MAF: variants seen among roughly 807,000 people sequenced by gnomAD.
MAF encodes MAF bZIP transcription factor.
Under a neutral mutation model 22.0 loss-of-function variants are expected in MAF, and 10 were observed. The ratio of observed to expected loss-of-function variants is 0.45; its 90% CI spans 0.28 to 0.77. The LOEUF (loss-of-function observed/expected upper bound fraction) is 0.77. Ranked by LOEUF, MAF falls within the 30% of genes least tolerant of loss-of-function variation. The probability of loss-of-function intolerance (pLI) is 0.12; values close to 1 mark genes in which losing one functional copy is unlikely to be tolerated. For missense variants in MAF, 544 were observed against 548.4 expected, an observed-to-expected ratio of 0.99 and a Z score of 0.08; for synonymous variants, 337 against 255.8, an observed-to-expected ratio of 1.32 and a Z score of -3.03.
chr16:79,366,102 T>C, the MAF span, among the ~76,000 whole-genome samples: 1 of 152,232 alleles, frequency 6.6e-6, no homozygotes, highest in Admixed American at 6.5e-5. Flanking sequence ...CTAATATTTG[T>C]TTTTCTGTTG....
chr16:79,304,147 C>T, the MAF span, among the ~76,000 whole-genome samples: 1 of 152,142 alleles, frequency 6.6e-6, no homozygotes, highest in Non-Finnish European at 1.5e-5. Flanking sequence ...CTGTGTTTAC[C>T]TGACAATGTG....
chr16:79,501,823 T>C, the MAF span, among the ~76,000 whole-genome samples: 2 of 152,224 alleles, frequency 1.3e-5, no homozygotes, highest in African/African-American at 4.8e-5. Flanking sequence ...ACTTCCATTA[T>C]ATTTGATACG....
chr16:79,475,542 G>C, the MAF span, among the ~76,000 whole-genome samples: 1 of 152,038 alleles, frequency 6.6e-6, no homozygotes, highest in South Asian at 2.1e-4. Context: ...CTATCCATCT[G>C]TCTGTCTGTC....
At chr16:79,540,630 G>C in the MAF span, among the ~76,000 whole-genome samples, 340 of 152,340 alleles carry the variant, frequency 2.2e-3, 1 homozygote, top group African/African-American at 7.6e-3. Context: ...ACTTTGCTGG[G>C]TGTCTGCTTC....
chr16:79,306,100 G>T, the MAF span, among the ~76,000 whole-genome samples: 193 of 152,274 alleles, frequency 1.3e-3, no homozygotes, highest in Non-Finnish European at 1.6e-3. Context: ...AAAAGGTAAC[G>T]TTGGCCTTTT....
At chr16:79,213,792 A>AAAGAT in the MAF span, among the ~76,000 whole-genome samples, 1 of 151,736 alleles carries the variant, frequency 6.6e-6, no homozygotes, top group African/African-American at 2.4e-5. Flanking sequence ...AGCAATGCAA[A>AAAGAT]AGATAGTAAA....
chr16:79,344,083 C>G, the MAF span, among the ~76,000 whole-genome samples: 1 of 152,326 alleles, frequency 6.6e-6, no homozygotes, highest in East Asian at 1.9e-4. Context: ...CTTCCAAGAG[C>G]TGATCCAAGG....
chr16:79,326,388 C>A, the MAF span, among the ~76,000 whole-genome samples: 1 of 152,142 alleles, frequency 6.6e-6, no homozygotes, highest in Admixed American at 6.5e-5. Flanking sequence ...GGTTCTACCC[C>A]CATTTAAACT....
chr16:79,569,056 C>A, the MAF span, among the ~76,000 whole-genome samples: 1 of 152,204 alleles, frequency 6.6e-6, no homozygotes, highest in Non-Finnish European at 1.5e-5. Flanking sequence ...TAAGTCCCTG[C>A]AGGATCTCAT....
the MAF span, among the ~76,000 whole-genome samples, chr16:79,274,539 C>T: frequency 6.6e-6 from 1 of 152,126 alleles, no homozygotes; most frequent in Admixed American, 6.5e-5. Flanking sequence ...CCTCAGTCCA[C>T]CTCTAAGTAC....
the MAF span, among the ~76,000 whole-genome samples, chr16:79,401,864 T>C: frequency 6.6e-6 from 1 of 152,132 alleles, no homozygotes; most frequent in African/African-American, 2.4e-5. Flanking sequence ...CTAGGGTCAT[T>C]GATGGTGGTT....
At chr16:79,302,170 T>C in the MAF span, among the ~76,000 whole-genome samples, 184 of 152,278 alleles carry the variant, frequency 1.2e-3, 2 homozygotes, top group East Asian at 0.032. Flanking sequence ...AGCCACGAGA[T>C]GTGTTGGAAA....
the MAF span, among the ~76,000 whole-genome samples, chr16:79,286,141 A>C: frequency 4.6e-5 from 7 of 152,384 alleles, no homozygotes; most frequent in East Asian, 1.2e-3. Flanking sequence ...AGCCCTTAAT[A>C]AGCAGTAGCT....
the MAF span, among the ~76,000 whole-genome samples, chr16:79,509,685 G>T: frequency 2.0e-5 from 3 of 152,224 alleles, no homozygotes; most frequent in Non-Finnish European, 4.4e-5. Context: ...CACAGTGGGG[G>T]CCCAGGGCCT....
the MAF span, among the ~76,000 whole-genome samples, chr16:79,510,019 A>G: frequency 6.6e-6 from 1 of 152,176 alleles, no homozygotes; most frequent in Non-Finnish European, 1.5e-5. Context: ...CGCTTTGGAC[A>G]TGGCAGAACA....
chr16:79,561,571 GT>G, the MAF span, among the ~76,000 whole-genome samples: 7 of 151,668 alleles, frequency 4.6e-5, no homozygotes, highest in Non-Finnish European at 7.4e-5. Flanking sequence ...GCAGTGTTTG[GT>G]TTTTTGTCCT....
chr16:79,494,802 G>A, the MAF span, among the ~76,000 whole-genome samples: 2 of 152,162 alleles, frequency 1.3e-5, no homozygotes, highest in African/African-American at 2.4e-5. Flanking sequence ...TCAGACATCA[G>A]TCATAAGTCT....
downstream of MAF, among the ~76,000 whole-genome samples, chr16:79,583,337 TC>T (rs1912641135): frequency 6.6e-6 from 1 of 152,238 alleles, no homozygotes; most frequent in Non-Finnish European, 1.5e-5. Context: ...GTAAACGATG[TC>T]CACTCCATCT....
the MAF span, among the ~76,000 whole-genome samples, chr16:79,487,639 G>GA: frequency 5.5e-4 from 84 of 152,250 alleles, 1 homozygote; most frequent in African/African-American, 1.9e-3. Flanking sequence ...ACCCTTCGGG[G>GA]AAAAAATCCT....
Sources: allele counts gnomAD v4.1 joint callset (sites outside exome capture counted in the v4.1 genomes callset), GRCh38; gene constraint gnomAD v4.1.1; transcripts MANE v1.5; gene names NCBI Gene and HGNC (gene_info 2026-07-23, HGNC 2026-07-21).